TP53BP1: variants seen among roughly 807,000 people sequenced by gnomAD.
TP53BP1 encodes tumor protein p53 binding protein 1.
Under a neutral mutation model 200.8 loss-of-function variants are expected in TP53BP1, and 61 were observed. The observed-to-expected ratio is 0.30, with a 90% CI of 0.25 to 0.38. TP53BP1 has a LOEUF of 0.38. Ranked by LOEUF, TP53BP1 falls within the 10% of genes least tolerant of loss-of-function variation. The pLI, the probability that TP53BP1 is intolerant of heterozygous loss-of-function variation, is 1.00. For synonymous variants in TP53BP1, 822 were observed against 844.3 expected, an observed-to-expected ratio of 0.97 and a Z score of 0.46; for missense variants, 2,144 against 2,371.9, an observed-to-expected ratio of 0.90 and a Z score of 2.00.
intron 4 of TP53BP1, among the ~76,000 whole-genome samples, chr15:43,485,882 G>A (rs781530574): frequency 5.3e-4 from 81 of 152,026 alleles, no homozygotes; most frequent in Admixed American, 7.9e-4. Context: ...AAAATTTGTA[G>A]AATGATTAGA....
At chr15:43,491,797 C>A in intron 3 of TP53BP1, 44 bp from the exon 4 acceptor site, 1 of 1,504,900 alleles carries the variant, frequency 6.6e-7, no homozygotes, top group Non-Finnish European at 9.2e-7. Flanking sequence ...CATTTACCAA[C>A]AAACCTTAAT....
intron 1 of TP53BP1, among the ~76,000 whole-genome samples, chr15:43,504,504 C>A (rs2079226055): frequency 6.6e-6 from 1 of 152,106 alleles, no homozygotes; most frequent in South Asian, 2.1e-4. Context: ...GTAAGAAAGT[C>A]AGTTCTGCAG....
At chr15:43,463,144 G>C (rs2046480657) in intron 11 of TP53BP1, among the ~76,000 whole-genome samples, 1 of 152,134 alleles carries the variant, frequency 6.6e-6, no homozygotes, top group East Asian at 1.9e-4. Context: ...ATTCTAGTTT[G>C]AAAACATTTA....
chr15:43,445,294 AG>A (rs1296445417), intron 14 of TP53BP1, among the ~76,000 whole-genome samples: 3 of 152,164 alleles, frequency 2.0e-5, no homozygotes, highest in Non-Finnish European at 2.9e-5. Context: ...CCGAAGTCAA[AG>A]TATATTTCCA....
At chr15:43,420,179 A>G (rs1001628706) in intron 21 of TP53BP1, 126 bp downstream of exon 21, 4 of 919,792 alleles carry the variant, frequency 4.3e-6, no homozygotes, top group Non-Finnish European at 6.6e-6. Flanking sequence ...ATTTTGTAGG[A>G]ATGAAATTTC....
chr15:43,462,953 G>T (rs547660131), intron 11 of TP53BP1, among the ~76,000 whole-genome samples: 7 of 152,076 alleles, frequency 4.6e-5, no homozygotes, highest in Non-Finnish European at 8.8e-5. Flanking sequence ...GTTACTTGGG[G>T]TGCTGAGGCA....
At position 43,404,102 on chromosome 15, in the gene TP53BP1, C is replaced by T; in HGVS notation, c.*3281G>A. The T allele has an allele frequency of 1.9e-6, 1 of 518,086 alleles. No individual in the cohort carries two copies. The highest frequency in any genetic ancestry group is 3.3e-5 in the Admixed American group (1 of 30,270). 32.1% of individuals were successfully genotyped at this position (518,086 alleles called of 1,614,324 possible). A position where few individuals can be genotyped will look rare whatever the true frequency, so the allele number is the denominator to read the frequency against. On this transcript the variant is annotated 3_prime_UTR_variant, in exon 28 of 28. Transcript: ENST00000382044. The stretch of plus-strand genomic sequence containing the variant: ...CTTACTTCCTTGAACTAACCCCCAT[C>T]TCACTGAGATAATTATCTGCTTGTA...
chr15:43,471,672 C>G (rs920073501), intron 10 of TP53BP1, among the ~76,000 whole-genome samples: 1 of 152,194 alleles, frequency 6.6e-6, no homozygotes, highest in African/African-American at 2.4e-5. Context: ...AGGTGATCTG[C>G]CCACCTTGGC....
intron 1 of TP53BP1, 26 bp from the exon 2 acceptor site, chr15:43,492,494 T>G (rs775490175): frequency 3.8e-6 from 6 of 1,599,204 alleles, no homozygotes; most frequent in Non-Finnish European, 5.1e-6. Context: ...AAAAGATCAG[T>G]TCCGTGTAAC....
chr15:43,440,524 A>G, intron 15 of TP53BP1, among the ~76,000 whole-genome samples: 1 of 141,350 alleles, frequency 7.1e-6, no homozygotes, highest in Non-Finnish European at 1.5e-5. Flanking sequence ...CAAAAAAAAA[A>G]ACAAAAAAAA....
At chr15:43,452,279 T>C (rs1409365297) in intron 12 of TP53BP1, among the ~76,000 whole-genome samples, 6 of 152,132 alleles carry the variant, frequency 3.9e-5, no homozygotes. Context: ...AAAACTATTG[T>C]TCTCGGCTGA....
chr15:43,479,784 A>T (rs1413087132), intron 6 of TP53BP1, 75 bp downstream of exon 6: 1 of 1,551,666 alleles, frequency 6.4e-7, no homozygotes, highest in Admixed American at 1.9e-5. Context: ...TGCAAAACTT[A>T]TCAAAGAAAA....
rs1210075638 is a variant in TP53BP1, at chr15:43,477,749, T to G, written c.799A>C (p.Met267Leu). 1.2e-6 allele frequency: 2 copies of G among 1,608,230 alleles called. No individual in the cohort carries two copies. The highest frequency in any genetic ancestry group is 1.7e-6 in the Non-Finnish European group (2 of 1,177,692). Reference protein sequence around the residue: ...QNPPPARSEDMPFSPKASVAA... With the variant: ...QNPPPARSEDLPFSPKASVAA... ...ACAGATGCTTTGGGGCTAAAAGGCA[T>G]GTCCTCTGACCTAGGAAATTCATAT... The change falls in exon 8 of 28, where the codon ATG (methionine) becomes CTG (leucine). Residue 267 changes from methionine (M) to leucine (L), a missense_variant. Coordinates refer to ENST00000382044, the MANE Select transcript of TP53BP1 (RefSeq NM_001141980.3).
chr15:43,444,609 T>A (rs2046000419), intron 14 of TP53BP1, among the ~76,000 whole-genome samples: 1 of 152,206 alleles, frequency 6.6e-6, no homozygotes, highest in East Asian at 1.9e-4. Context: ...TTCCTGTGCC[T>A]CAGTTTCCTC....
rs1490362151 is a variant in TP53BP1 at position 43,446,283 on chromosome 15, T to C, written c.3040+104A>G. 6 of 903,032 alleles carry C rather than the reference T, an allele frequency of 6.6e-6. No individual in the cohort carries two copies. In the South Asian group the frequency reaches 1.1e-4, roughly 16 times the overall value. 55.9% of individuals were successfully genotyped at this position (903,032 alleles called of 1,614,324 possible). A position where few individuals can be genotyped will look rare whatever the true frequency, so the allele number is the denominator to read the frequency against. ...ATCTATGAGTGTAAGACTTTACAAATACATTTATAAATATAGAAGTATCAA... is the reference window on the plus strand; with the variant it reads ...ATCTATGAGTGTAAGACTTTACAAACACATTTATAAATATAGAAGTATCAA... On this transcript the variant is annotated intron_variant, in intron 14 of 27. Transcript: ENST00000382044.
At chr15:43,505,965 G>T (rs1261258250) in intron 1 of TP53BP1, among the ~76,000 whole-genome samples, 1 of 152,196 alleles carries the variant, frequency 6.6e-6, no homozygotes, top group Non-Finnish European at 1.5e-5. Context: ...AGGAATCTGA[G>T]CTGTATGCAG....
At chr15:43,447,144 C>CTT (rs1192622295) in intron 13 of TP53BP1, 11 of 536,856 alleles carry the variant, frequency 2.0e-5, no homozygotes. Flanking sequence ...TTTAAGTATT[C>CTT]TCTTTCTTTC....
chr15:43,409,688 C>T lies in TP53BP1; in HGVS notation c.5359G>A (p.Ala1787Thr). The change falls in exon 25 of 28, where the codon GCA becomes ACA. Residue 1787 changes from alanine (A) to threonine (T), a missense_variant. Physicochemically the swap from Ala to Thr is moderately conservative, Grantham distance 58. Transcript: ENST00000382044. Reference sequence around the variant, plus strand: ...TCTTCAAGGATATAGCCAGCTCCTGCTCGAAGCTGGGATTCTGTATACTGC... The same window carrying T: ...TCTTCAAGGATATAGCCAGCTCCTGTTCGAAGCTGGGATTCTGTATACTGC... ...NKQYTESQLRAGAGYILEDFN... is the reference protein window; with the variant it reads ...NKQYTESQLRTGAGYILEDFN... The T allele has an allele frequency of 1.9e-6, 3 of 1,577,234 alleles. No individual in the cohort carries two copies. The highest frequency in any genetic ancestry group is 2.6e-6 in the Non-Finnish European group (3 of 1,164,270).
intron 1 of TP53BP1, among the ~76,000 whole-genome samples, chr15:43,507,242 C>A (rs1280698532): frequency 6.6e-6 from 1 of 152,080 alleles, no homozygotes; most frequent in Admixed American, 6.5e-5. Flanking sequence ...TCAAGCAATT[C>A]TCCTGCCTCA....
Sources: gnomAD v4.1 joint callset for allele counts (sites outside exome capture counted in the v4.1 genomes callset) on GRCh38, gnomAD v4.1.1 for gene constraint, MANE v1.5 for transcripts, NCBI Gene and HGNC (gene_info 2026-07-23, HGNC 2026-07-21) for gene names.